The following TRAF3IP3 variants were observed in gnomAD, a reference collection of about 807,000 sequenced individuals.
TRAF3IP3 encodes TRAF3 interacting protein 3, also known as TRAF3-interacting JNK-activating modulator.
Under a neutral mutation model 86.5 loss-of-function variants are expected in TRAF3IP3, and 64 were observed. The observed-to-expected ratio is 0.74, with a 90% CI of 0.60 to 0.91. The LOEUF is 0.91. Among genes scored for constraint, TRAF3IP3 ranks in the 40% least tolerant of loss-of-function variants. TRAF3IP3 has a pLI of 0.00. For missense variants in TRAF3IP3, 579 were observed against 642.9 expected (o/e 0.90, Z 1.07); for synonymous variants, 220 against 243.9 (o/e 0.90, Z 0.91).
At chr1:209,780,791 C>T (rs750662478) in intron 15 of TRAF3IP3, 185 bp downstream of exon 15, 26 of 421,236 alleles carry the variant, frequency 6.2e-5, no homozygotes, top group Non-Finnish European at 9.1e-5. Context: ...CTTATTTATA[C>T]CAACTCCTAT....
rs571816275 is a variant in TRAF3IP3 at position 209,771,706 on chromosome 1, T to C, written c.703-1242T>C. Among the ~76,000 whole-genome samples, 9 of 143,870 alleles carry C rather than the reference T, an allele frequency of 6.3e-5. No individual in the cohort carries two copies. The South Asian group carries it at 2.0e-3, about 32-fold the overall frequency. 94.4% of individuals were successfully genotyped at this position (143,870 alleles called of 152,430 possible). On this transcript the variant is annotated intron_variant, in intron 8 of 16. Coordinates refer to ENST00000367025, the MANE Select transcript of TRAF3IP3 (RefSeq NM_025228.4). ...AGGTACGTGTGTGCAGGTGGAGGTGTATGTGTGCAGGTGGAAGTGTACGTG... is the reference window on the plus strand; with the variant it reads ...AGGTACGTGTGTGCAGGTGGAGGTGCATGTGTGCAGGTGGAAGTGTACGTG...
Position 209,762,503 on chromosome 1 carries a change from C to T in TRAF3IP3, c.346-12C>T, listed in dbSNP as rs377270819. The T allele has an allele frequency of 3.0e-5, 44 of 1,446,068 alleles. 1 individual carries two copies. The highest frequency in any genetic ancestry group is 1.2e-4 in the Admixed American group (5 of 40,038). 89.6% of individuals were successfully genotyped at this position (1,446,068 alleles called of 1,614,324 possible). ...AGGCAGTGGTTTTCAGCATTCCCCACTTGCCTTCCAGGTGACAGGCACCAG... is the reference window on the plus strand; with the variant it reads ...AGGCAGTGGTTTTCAGCATTCCCCATTTGCCTTCCAGGTGACAGGCACCAG... On this transcript the variant is annotated splice_polypyrimidine_tract_variant and intron_variant, in intron 3 of 16. Transcript: ENST00000367025.
At chr1:209,769,922 C>T (rs2077430669) in intron 8 of TRAF3IP3, among the ~76,000 whole-genome samples, 1 of 152,146 alleles carries the variant, frequency 6.6e-6, no homozygotes, top group Admixed American at 6.5e-5. Flanking sequence ...GGCTCCTCCG[C>T]CCCCTCCCCT....
intron 11 of TRAF3IP3, chr1:209,776,040 A>G (rs979675344): frequency 2.5e-5 from 6 of 241,986 alleles, no homozygotes; most frequent in African/African-American, 1.1e-4. Context: ...CTCCCAACCC[A>G]CTCTCCAAAC....
intron 8 of TRAF3IP3, among the ~76,000 whole-genome samples, chr1:209,766,305 C>A (rs182041897): frequency 2.0e-5 from 3 of 152,304 alleles, no homozygotes; most frequent in East Asian, 1.9e-4. Flanking sequence ...TGGTCCTGAA[C>A]TAAATTGAGA....
In TRAF3IP3 at chr1:209,762,603, A is replaced by G; in HGVS notation, c.434A>G (p.Gln145Arg). ...CRDLSDHLSS[Q>R]AGGLPPQDTP... ...GATCTGTCTGACCACCTCTCCTCACAGGCTGGGGGCCTTCCTCCACAGGAC... is the reference window on the plus strand; with the variant it reads ...GATCTGTCTGACCACCTCTCCTCACGGGCTGGGGGCCTTCCTCCACAGGAC... The change falls in exon 4 of 17, where the codon CAG becomes CGG. Residue 145 changes from glutamine to arginine, a missense_variant. Coordinates refer to ENST00000367025, the MANE Select transcript of TRAF3IP3 (RefSeq NM_025228.4). 6 of 1,516,148 alleles carry G rather than the reference A, an allele frequency of 4.0e-6. No individual in the cohort carries two copies. Among genetic ancestry groups the G allele is most frequent in the Middle Eastern group, 1.8e-4 (1 of 5,612 alleles). 93.9% of individuals were successfully genotyped at this position (1,516,148 alleles called of 1,614,324 possible). A position where few individuals can be genotyped will look rare whatever the true frequency, so the allele number is the denominator to read the frequency against.
At chr1:209,779,124 C>A in intron 13 of TRAF3IP3, 191 bp from the exon 14 acceptor site, 4 of 599,096 alleles carry the variant, frequency 6.7e-6, no homozygotes, top group Non-Finnish European at 1.2e-5. Flanking sequence ...TTTAAAGAAT[C>A]TATCTCCAAA....
At chr1:209,772,504 G>C (rs2077567114) in intron 8 of TRAF3IP3, among the ~76,000 whole-genome samples, 1 of 152,150 alleles carries the variant, frequency 6.6e-6, no homozygotes, top group Non-Finnish European at 1.5e-5. Context: ...GAGGGCAAGG[G>C]AGGGAATAAA....
intron 8 of TRAF3IP3, among the ~76,000 whole-genome samples, chr1:209,772,538 C>A (rs780470800): frequency 3.3e-5 from 5 of 152,104 alleles, no homozygotes; most frequent in Non-Finnish European, 7.4e-5. Context: ...GGGGAGACTG[C>A]GTTAGCCTCA....
At chr1:209,759,887 C>T (rs1345222805) in intron 2 of TRAF3IP3, 95 bp from the exon 3 acceptor site, 3 of 639,842 alleles carry the variant, frequency 4.7e-6, no homozygotes, top group Admixed American at 2.9e-5. Context: ...ATGGATGGAA[C>T]TCTGTGCTAT....
intron 16 of TRAF3IP3, 111 bp from the exon 17 acceptor site, chr1:209,781,945 C>G: frequency 1.2e-6 from 1 of 848,488 alleles, no homozygotes; most frequent in Non-Finnish European, 1.9e-6. Flanking sequence ...TTTTCTCCAC[C>G]ACCAACCCAG....
intron 8 of TRAF3IP3, among the ~76,000 whole-genome samples, chr1:209,770,494 C>G (rs186984604): frequency 1.8e-5 from 2 of 112,704 alleles, no homozygotes; most frequent in African/African-American, 7.1e-5. Flanking sequence ...TGGAAGTGTG[C>G]GTGTGCATGT....
At position 209,767,953 on chromosome 1, in the gene TRAF3IP3, C is replaced by T. The variant is rs552549147; in HGVS notation, c.702+4366C>T. ...CTCCCTCCCTTCTTCTCACCCCTCCCAATCCTCACCCTTCTCTTCTTTGTC... is the reference window on the plus strand; with the variant it reads ...CTCCCTCCCTTCTTCTCACCCCTCCTAATCCTCACCCTTCTCTTCTTTGTC... On this transcript the variant is annotated intron_variant, in intron 8 of 16. Coordinates refer to ENST00000367025, the MANE Select transcript of TRAF3IP3 (RefSeq NM_025228.4). Among the ~76,000 whole-genome samples, 149 of 152,244 alleles carry T rather than the reference C, an allele frequency of 9.8e-4. 1 individual carries two copies. In the Middle Eastern group the frequency reaches 0.01, roughly 10 times the overall value.
Position 209,773,004 on chromosome 1 carries a change from A to C in TRAF3IP3, c.759A>C (p.Leu253=). Residue 253 remains leucine, a synonymous_variant, in exon 9 of 17, where the codon CTA becomes CTC. Coordinates refer to ENST00000367025, the MANE Select transcript of TRAF3IP3 (RefSeq NM_025228.4). The part of the protein sequence containing the change: ...KGKLRSLENQ[L]YTCTQKYSPW... ...AACTGAGATCCTTAGAAAACCAGCT[A>C]TACACCTGTACCCAGGTAAGCATTC... 6.2e-7 allele frequency: 1 copy of C among 1,613,586 alleles called. No homozygotes were observed. Among genetic ancestry groups the C allele is most frequent in the Non-Finnish European group, 8.5e-7 (1 of 1,179,714 alleles).
chr1:209,779,633 C>T, intron 14 of TRAF3IP3: 1 of 609,424 alleles, frequency 1.6e-6, no homozygotes, highest in Non-Finnish European at 2.9e-6. Flanking sequence ...TTGAACATTT[C>T]AATAAATTTA....
At chr1:209,762,782 G>C (rs184562171) in intron 4 of TRAF3IP3, 31 bp from the exon 5 acceptor site, 9 of 1,613,768 alleles carry the variant, frequency 5.6e-6, no homozygotes, top group African/African-American at 1.3e-5. Context: ...CTCCCTGTAA[G>C]TTCTAAATCA....
intron 8 of TRAF3IP3, among the ~76,000 whole-genome samples, chr1:209,766,960 A>G (rs2077369066): frequency 6.6e-6 from 1 of 152,204 alleles, no homozygotes; most frequent in African/African-American, 2.4e-5. Flanking sequence ...ATGAGGGAAA[A>G]AAGCAGAAAG....
At chr1:209,779,747 T>A (rs912789582) in intron 14 of TRAF3IP3, 10 of 554,716 alleles carry the variant, frequency 1.8e-5, no homozygotes, top group African/African-American at 3.8e-5. Flanking sequence ...CAACTCACTG[T>A]TAGCCCTAGA....
At position 209,760,129 on chromosome 1, in the gene TRAF3IP3, T is replaced by C; in HGVS notation, c.90T>C (p.Arg30=). Residue 30 remains arginine (R), a synonymous_variant, in exon 3 of 17, where the codon CGT becomes CGC. Transcript: ENST00000367025. The part of the protein sequence containing the change: ...EAKCERRQEI[R]ESRRCRPNVT... ...AGTGTGAGCGCAGGCAAGAGATCCGTGAAAGCCGCCGCTGCCGTCCCAATG... is the reference window on the plus strand; with the variant it reads ...AGTGTGAGCGCAGGCAAGAGATCCGCGAAAGCCGCCGCTGCCGTCCCAATG... 1.2e-6 allele frequency: 2 copies of C among 1,614,098 alleles called. No homozygotes were observed. The highest frequency in any genetic ancestry group is 1.1e-5 in the South Asian group (1 of 91,082).
Sources: allele counts gnomAD v4.1 joint callset (sites outside exome capture counted in the v4.1 genomes callset), GRCh38; gene constraint gnomAD v4.1.1; transcripts MANE v1.5; gene names NCBI Gene and HGNC (gene_info 2026-07-23, HGNC 2026-07-21).